Variants in ERLIN1 observed in about 807,000 individuals in gnomAD.
ERLIN1 encodes the protein erlin-1.
ERLIN1 carries 24 observed loss-of-function variants against 46.9 expected under a neutral mutation model. The observed-to-expected ratio is 0.51, with a 90% CI of 0.37 to 0.72. ERLIN1 has a LOEUF of 0.72. Ranked by LOEUF, ERLIN1 falls within the 30% of genes least tolerant of loss-of-function variation. ERLIN1 has a pLI of 0.00. For missense variants in ERLIN1, 293 were observed against 417.9 expected (o/e 0.70, Z 2.61); for synonymous variants, 158 against 143.2 (o/e 1.10, Z -0.74).
chr10:100,176,994 C>T (rs559296092), intron 4 of ERLIN1, among the ~76,000 whole-genome samples: 3 of 152,040 alleles, frequency 2.0e-5, no homozygotes, highest in Non-Finnish European at 2.9e-5. Flanking sequence ...TGGAGGCATA[C>T]ACCTGTAGTC....
intron 8 of ERLIN1, 69 bp from the exon 9 acceptor site, chr10:100,156,303 G>T: frequency 1.1e-6 from 1 of 898,094 alleles, no homozygotes; most frequent in Non-Finnish European, 1.8e-6. Context: ...CTTCGAACCA[G>T]CAGCACACAG....
Position 100,154,736 on chromosome 10 carries a change from G to A in ERLIN1, c.825+124C>T, listed in dbSNP as rs561603130. 36 of 720,054 alleles carry A rather than the reference G, an allele frequency of 5.0e-5. No homozygotes were observed. The African/African-American group carries it at 6.4e-4, about 13-fold the overall frequency. 44.6% of individuals were successfully genotyped at this position (720,054 alleles called of 1,614,324 possible). A position where few individuals can be genotyped will look rare whatever the true frequency, so the allele number is the denominator to read the frequency against. Reference sequence around the variant, plus strand: ...TCTTGCTAACTGACTAATTCTGGAGGATGTCTTGGTCACTACACTTTCTTG... The same window carrying A: ...TCTTGCTAACTGACTAATTCTGGAGAATGTCTTGGTCACTACACTTTCTTG... On this transcript the variant is annotated intron_variant, in intron 10 of 10. Transcript: ENST00000421367.
chr10:100,151,457 G>C lies in ERLIN1; in HGVS notation c.*674C>G, dbSNP rs1842798668. ...TTCAAACCAAGCCCTCTGTATCTCT[G>C]AGTTTATGAATACAAGAAACTAGTG... On this transcript the variant is annotated 3_prime_UTR_variant, in exon 11 of 11. Coordinates refer to ENST00000421367, the MANE Select transcript of ERLIN1 (RefSeq NM_006459.4). 1.3e-5 allele frequency: 2 copies of C among 156,676 alleles called. No homozygotes were observed. The allele number at this position is 156,676 out of a possible 1,614,324, so 9.7% of individuals were successfully genotyped here.
chr10:100,177,379 G>A (rs527267913), intron 4 of ERLIN1, among the ~76,000 whole-genome samples: 152 of 152,262 alleles, frequency 1.0e-3, no homozygotes, highest in African/African-American at 3.4e-3. Flanking sequence ...TAATACGCCT[G>A]CTCTCTACTC....
intron 10 of ERLIN1, among the ~76,000 whole-genome samples, chr10:100,153,072 G>A (rs1814992377): frequency 6.6e-6 from 1 of 152,222 alleles, no homozygotes; most frequent in Non-Finnish European, 1.5e-5. Flanking sequence ...AACTTCAAAG[G>A]AAGGGCTGGT....
intron 9 of ERLIN1, among the ~76,000 whole-genome samples, chr10:100,155,186 C>A (rs1843007045): frequency 6.6e-6 from 1 of 152,188 alleles, no homozygotes. Context: ...TCTCCTCCAC[C>A]CACTCTCCCA....
chr10:100,154,157 G>A (rs189477397), intron 10 of ERLIN1, among the ~76,000 whole-genome samples: 181 of 152,108 alleles, frequency 1.2e-3, no homozygotes, highest in Middle Eastern at 3.4e-3. Flanking sequence ...AATACTATCG[G>A]AGTTCTAGCT....
In ERLIN1 at chr10:100,156,138, A is replaced by C. The variant is rs758276416; in HGVS notation, c.745+7T>G. 1.9e-6 allele frequency: 3 copies of C among 1,598,432 alleles called. No homozygotes were observed. The East Asian group carries it at 6.7e-5, about 36-fold the overall frequency. ...AGGCAGAGCTTCATCCTCTCCCCAC[A>C]ATGTACCTTCGATTTCAGAAATGCG... On this transcript the variant is annotated splice_region_variant and intron_variant, in intron 9 of 10. Transcript: ENST00000421367.
chr10:100,156,115 G>T (rs1014940436), intron 9 of ERLIN1, 30 bp downstream of exon 9: 9 of 1,449,948 alleles, frequency 6.2e-6, no homozygotes, highest in Non-Finnish European at 8.7e-6. Flanking sequence ...TTCGGGACAG[G>T]CAGAGCTTCA....
At chr10:100,164,136 T>G (rs1423996202) in intron 7 of ERLIN1, 41 bp from the exon 8 acceptor site, 1 of 1,364,270 alleles carries the variant, frequency 7.3e-7, no homozygotes, top group East Asian at 2.3e-5. Flanking sequence ...ATGATTCTCC[T>G]ATGTGCAGTC....
At chr10:100,175,893 G>A in intron 5 of ERLIN1, 52 bp downstream of exon 5, 1 of 1,556,874 alleles carries the variant, frequency 6.4e-7, no homozygotes. Context: ...TAAGTAAGCT[G>A]AACAAAGATT....
At chr10:100,185,135 AAAC>A (rs929247223) in intron 1 of ERLIN1, among the ~76,000 whole-genome samples, 23 of 152,284 alleles carry the variant, frequency 1.5e-4, no homozygotes, top group African/African-American at 5.5e-4. Flanking sequence ...AAAGTCTAAG[AAAC>A]AACCATAAAC....
intron 5 of ERLIN1, among the ~76,000 whole-genome samples, chr10:100,174,584 C>A (rs1844186597): frequency 6.6e-6 from 1 of 152,152 alleles, no homozygotes; most frequent in Non-Finnish European, 1.5e-5. Context: ...GACTTATTTA[C>A]TGGATAAACA....
At chr10:100,162,186 T>A (rs1385837331) in intron 8 of ERLIN1, among the ~76,000 whole-genome samples, 1 of 152,110 alleles carries the variant, frequency 6.6e-6, no homozygotes, top group Non-Finnish European at 1.5e-5. Context: ...AAAGGACTCT[T>A]ACAAATCAAC....
chr10:100,169,973 A>G (rs1843892248), intron 6 of ERLIN1, among the ~76,000 whole-genome samples: 1 of 152,062 alleles, frequency 6.6e-6, no homozygotes, highest in Non-Finnish European at 1.5e-5. Context: ...ACCTATGATC[A>G]TGCCACTGCA....
chr10:100,153,322 G>A (rs906762709), intron 10 of ERLIN1, among the ~76,000 whole-genome samples: 10 of 151,228 alleles, frequency 6.6e-5, no homozygotes, highest in African/African-American at 1.5e-4. Flanking sequence ...AAAACTCGTC[G>A]ACCACCAGAT....
intron 7 of ERLIN1, among the ~76,000 whole-genome samples, chr10:100,165,079 T>A (rs1032776200): frequency 6.6e-6 from 1 of 152,180 alleles, no homozygotes; most frequent in Admixed American, 6.5e-5. Flanking sequence ...TTACTAAGCA[T>A]GTACAAGTAG....
At chr10:100,169,283 A>T (rs1271494991) in intron 6 of ERLIN1, among the ~76,000 whole-genome samples, 1 of 152,122 alleles carries the variant, frequency 6.6e-6, no homozygotes, top group African/African-American at 2.4e-5. Context: ...CCACTCACAT[A>T]CATAGAGTGA....
intron 7 of ERLIN1, among the ~76,000 whole-genome samples, chr10:100,164,817 A>G (rs1303249615): frequency 6.6e-6 from 1 of 152,186 alleles, no homozygotes; most frequent in African/African-American, 2.4e-5. Flanking sequence ...AAAATATTTT[A>G]TAAAGTTACC....
Sources: allele counts gnomAD v4.1 joint callset (sites outside exome capture counted in the v4.1 genomes callset), GRCh38; gene constraint gnomAD v4.1.1; transcripts MANE v1.5; gene names NCBI Gene and HGNC (gene_info 2026-07-23, HGNC 2026-07-21).